MCMBP: variants seen among roughly 807,000 people sequenced by gnomAD.
MCMBP encodes the protein minichromosome maintenance complex binding protein.
A neutral mutation model predicts 81.3 loss-of-function variants in MCMBP; 31 were observed. The ratio of observed to expected loss-of-function variants is 0.38; its 90% CI spans 0.29 to 0.51. The LOEUF is 0.51. Ranked by LOEUF, MCMBP falls within the 20% of genes least tolerant of loss-of-function variation. MCMBP has a pLI of 0.87. For synonymous variants in MCMBP, 267 were observed against 275.9 expected, an observed-to-expected ratio of 0.97 and a Z score of 0.32; for missense variants, 645 against 772.1, an observed-to-expected ratio of 0.84 and a Z score of 1.95.
chr10:119,853,029 A>G (rs773751528), intron 6 of MCMBP, 21 bp downstream of exon 6: 1 of 1,613,372 alleles, frequency 6.2e-7, no homozygotes, highest in South Asian at 1.1e-5. Context: ...AGTCTAGAGA[A>G]AACCTGTTGG....
Position 119,842,518 on chromosome 10 carries a change from C to A in MCMBP, c.1078G>T (p.Asp360Tyr). The change falls in exon 10 of 16, where the codon GAT (aspartate) becomes TAT (tyrosine). Residue 360 changes from aspartate to tyrosine, a missense_variant. Asp to Tyr is a radical substitution (Grantham distance 160). Coordinates refer to ENST00000369077, the MANE Select transcript of MCMBP (RefSeq NM_001256378.2). ...LGFLTHALLGDSLAAEYLILH... is the reference protein window; with the variant it reads ...LGFLTHALLGYSLAAEYLILH... ...ATAAGGTATTCAGCAGCCAAACTATCCCCCAGAAGGGCATGAGTAAGGAAC... is the reference window on the plus strand; with the variant it reads ...ATAAGGTATTCAGCAGCCAAACTATACCCCAGAAGGGCATGAGTAAGGAAC... 1 of 1,613,846 alleles carries A rather than the reference C, an allele frequency of 6.2e-7. No individual in the cohort carries two copies. Among genetic ancestry groups the A allele is most frequent in the Non-Finnish European group, 8.5e-7 (1 of 1,179,854 alleles).
At chr10:119,851,749 C>T (rs549665968) in intron 6 of MCMBP, among the ~76,000 whole-genome samples, 1 of 152,240 alleles carries the variant, frequency 6.6e-6, no homozygotes, top group South Asian at 2.1e-4. Flanking sequence ...ATTTTAAACA[C>T]ATTAAAATAT....
At chr10:119,831,980 C>A (rs766269036) in intron 15 of MCMBP, 32 bp downstream of exon 15, 2 of 1,578,746 alleles carry the variant, frequency 1.3e-6, no homozygotes, top group South Asian at 2.3e-5. Context: ...ACAAGCTTAC[C>A]GAAACAGCAA....
intron 6 of MCMBP, among the ~76,000 whole-genome samples, chr10:119,851,803 G>C (rs1852833815): frequency 6.6e-6 from 1 of 152,140 alleles, no homozygotes. Context: ...TTATAAAGTA[G>C]AGTAATATAA....
rs1851954114 is a variant in MCMBP at position 119,830,105 on chromosome 10, A to G, written c.*1369T>C. 1 of 152,686 alleles carries G rather than the reference A, an allele frequency of 6.5e-6. No homozygotes were observed. Among genetic ancestry groups the G allele is most frequent in the Non-Finnish European group, 1.5e-5 (1 of 68,046 alleles). 9.5% of individuals were successfully genotyped at this position (152,686 alleles called of 1,614,324 possible). A position where few individuals can be genotyped will look rare whatever the true frequency, so the allele number is the denominator to read the frequency against. Reference sequence around the variant, plus strand: ...TATAAAAATAGATTTGAGTTTAGGAAAAGTTGAACAACTAGTTATTTTTAC... The same window carrying G: ...TATAAAAATAGATTTGAGTTTAGGAGAAGTTGAACAACTAGTTATTTTTAC... On this transcript the variant is annotated 3_prime_UTR_variant, in exon 16 of 16. Transcript: ENST00000369077.
chr10:119,833,010 G>T (rs1296751296), intron 14 of MCMBP, among the ~76,000 whole-genome samples: 1 of 152,184 alleles, frequency 6.6e-6, no homozygotes, highest in Non-Finnish European at 1.5e-5. Context: ...GGCTCTGTGC[G>T]AGCAGGAAAT....
intron 1 of MCMBP, among the ~76,000 whole-genome samples, chr10:119,870,982 T>C (rs1390517056): frequency 2.0e-5 from 3 of 152,204 alleles, no homozygotes; most frequent in Non-Finnish European, 2.9e-5. Context: ...GGATCATACA[T>C]TTAGAAGACA....
chr10:119,855,433 A>C (rs1012008105), intron 5 of MCMBP, among the ~76,000 whole-genome samples: 13 of 152,220 alleles, frequency 8.5e-5, no homozygotes, highest in Admixed American at 3.3e-4. Flanking sequence ...GCACTTTGGG[A>C]GGTTGAGGCA....
intron 13 of MCMBP, among the ~76,000 whole-genome samples, chr10:119,836,212 A>G (rs1852236742): frequency 6.6e-6 from 1 of 152,224 alleles, no homozygotes; most frequent in South Asian, 2.1e-4. Flanking sequence ...TTGGTTACTT[A>G]TGTTTCCTCA....
chr10:119,854,238 T>G lies in MCMBP; in HGVS notation c.430-1044A>C, dbSNP rs1365720037. ...TGTATTTTTTGTAGAGACAGAGTAT[T>G]GCCATGTTGGCCAGGTTGGTCTCAA... On this transcript the variant is annotated intron_variant, in intron 5 of 15. Coordinates refer to ENST00000369077, the MANE Select transcript of MCMBP (RefSeq NM_001256378.2). 2.0e-5 allele frequency among the ~76,000 whole-genome samples: 3 copies of G among 151,878 alleles called. No homozygotes were observed. In the East Asian group the frequency reaches 5.8e-4, roughly 30 times the overall value.
chr10:119,833,488 GAAAGAAAAAAAAAGA>G (rs1427178954), intron 14 of MCMBP, among the ~76,000 whole-genome samples: 1 of 149,970 alleles, frequency 6.7e-6, no homozygotes, highest in African/African-American at 2.5e-5. Flanking sequence ...AAAAAAAAAA[GAAAGAAAAAAAAAGA>G]AAAGAAAAAA....
At chr10:119,854,885 C>T (rs1029436317) in intron 5 of MCMBP, among the ~76,000 whole-genome samples, 10 of 149,808 alleles carry the variant, frequency 6.7e-5, no homozygotes, top group Non-Finnish European at 1.3e-4. Flanking sequence ...ACCCGGGAAG[C>T]GGAGGTTGCA....
At chr10:119,868,285 G>T (rs1303387237) in intron 1 of MCMBP, among the ~76,000 whole-genome samples, 1 of 152,116 alleles carries the variant, frequency 6.6e-6, no homozygotes, top group African/African-American at 2.4e-5. Flanking sequence ...AATTAGCCAG[G>T]CATGGTGGTG....
At chr10:119,843,005 G>A (rs1822251548) in intron 9 of MCMBP, 1 of 431,520 alleles carries the variant, frequency 2.3e-6, no homozygotes, top group Admixed American at 3.4e-5. Context: ...CACCCACCTT[G>A]GCCTCCTAAA....
intron 15 of MCMBP, 122 bp downstream of exon 15, chr10:119,831,890 A>G (rs1159976616): frequency 5.9e-6 from 6 of 1,022,340 alleles, no homozygotes; most frequent in Non-Finnish European, 8.6e-6. Flanking sequence ...CCTTTCATAC[A>G]GCGTTTTTAA....
At chr10:119,840,784 A>G in intron 11 of MCMBP, 59 bp downstream of exon 11, 2 of 946,234 alleles carry the variant, frequency 2.1e-6, no homozygotes, top group Non-Finnish European at 3.2e-6. Flanking sequence ...AATGAAAGAC[A>G]GTTAGATGGA....
At chr10:119,863,468 A>T (rs140107532) in intron 1 of MCMBP, among the ~76,000 whole-genome samples, 1 of 152,142 alleles carries the variant, frequency 6.6e-6, no homozygotes, top group African/African-American at 2.4e-5. Context: ...GGGGTGGCTC[A>T]CGCCTGTAAT....
At chr10:119,865,378 G>T (rs867207538) in intron 1 of MCMBP, among the ~76,000 whole-genome samples, 1 of 152,126 alleles carries the variant, frequency 6.6e-6, no homozygotes, top group African/African-American at 2.4e-5. Flanking sequence ...GATTACCTGA[G>T]ATCAGTAGTT....
chr10:119,831,638 T>C, intron 15 of MCMBP, 38 bp from the exon 16 acceptor site: 1 of 1,598,860 alleles, frequency 6.3e-7, no homozygotes, highest in Non-Finnish European at 8.5e-7. Context: ...AGTCTAGAGC[T>C]GGGATAGTAA....
Sources: gnomAD v4.1 joint callset for allele counts (sites outside exome capture counted in the v4.1 genomes callset) on GRCh38, gnomAD v4.1.1 for gene constraint, MANE v1.5 for transcripts, NCBI Gene and HGNC (gene_info 2026-07-23, HGNC 2026-07-21) for gene names.